Variants in RALGAPA1 observed in about 807,000 individuals in gnomAD.
The protein encoded by RALGAPA1 is Ral GTPase activating protein catalytic subunit alpha 1.
RALGAPA1 carries 52 observed loss-of-function variants against 269.6 expected under a neutral mutation model. The observed-to-expected ratio is 0.19, with a 90% CI of 0.15 to 0.24. RALGAPA1 has a LOEUF of 0.24. RALGAPA1 is among the 10% of genes least tolerant of loss of function. RALGAPA1 has a pLI of 1.00. For synonymous variants in RALGAPA1, 817 were observed against 1,008.3 expected (o/e 0.81, Z 3.60); for missense variants, 1,917 against 3,013.9 (o/e 0.64, Z 8.52).
rs757188983 is a variant in RALGAPA1, at chr14:35,738,626, G to C, written c.1474C>G (p.His492Asp). ...TTTGCCCAACTGGAATTTCGAACAT[G>C]ATCAGCAGTATTGGTCCCATTTTCC... ...EEENGTNTAD[H>D]VRNSSWAKNG... The change falls in exon 12 of 42, where the codon CAT becomes GAT. Residue 492 changes from histidine to aspartate, a missense_variant. Physicochemically the swap from His to Asp is moderately conservative, Grantham distance 81. Around this residue, in one of 11 missense-constraint regions of RALGAPA1, gnomAD observed 462 missense variants for 725.6 expected, o/e 0.64. Coordinates refer to ENST00000680220, the MANE Select transcript of RALGAPA1 (RefSeq NM_001346249.2). 1.2e-6 allele frequency: 2 copies of C among 1,612,468 alleles called. No individual in the cohort carries two copies. Among genetic ancestry groups the C allele is most frequent in the African/African-American group, 1.3e-5 (1 of 74,842 alleles).
At chr14:35,745,034 T>C (rs747559133) in intron 10 of RALGAPA1, among the ~76,000 whole-genome samples, 28 of 152,354 alleles carry the variant, frequency 1.8e-4, no homozygotes, top group African/African-American at 6.0e-4. Flanking sequence ...GAATTTACTA[T>C]AGACCAGAGA....
chr14:35,545,122 C>T (rs888114745), intron 41 of RALGAPA1, among the ~76,000 whole-genome samples: 5 of 152,102 alleles, frequency 3.3e-5, no homozygotes, highest in African/African-American at 1.2e-4. Flanking sequence ...TTGGCACTTA[C>T]TAATATTTAA....
rs550582685 is a variant in RALGAPA1, at chr14:35,631,944, C to T, written c.5995+2630G>A. Among the ~76,000 whole-genome samples the T allele has an allele frequency of 2.1e-4, 32 of 152,132 alleles. 1 individual carries two copies. Among genetic ancestry groups the T allele is most frequent in the African/African-American group, 7.5e-4 (31 of 41,514 alleles). ...CTCGAAGCTCAGGTACCAGAGTATCCCATATGTCTTCTTCCCAAAGGTAGA... is the reference window on the plus strand; with the variant it reads ...CTCGAAGCTCAGGTACCAGAGTATCTCATATGTCTTCTTCCCAAAGGTAGA... On this transcript the variant is annotated intron_variant, in intron 33 of 41. Transcript: ENST00000680220.
At chr14:35,779,877 A>C (rs2075314481) in intron 1 of RALGAPA1, among the ~76,000 whole-genome samples, 1 of 152,184 alleles carries the variant, frequency 6.6e-6, no homozygotes, top group Non-Finnish European at 1.5e-5. Flanking sequence ...TAATCCCAGC[A>C]CTTTGGGAGG....
chr14:35,773,634 G>A (rs1253529272), intron 3 of RALGAPA1, among the ~76,000 whole-genome samples: 2 of 152,010 alleles, frequency 1.3e-5, no homozygotes, highest in Non-Finnish European at 2.9e-5. Context: ...TGCTTTCTCT[G>A]TGGATATTTT....
chr14:35,713,508 A>G (rs2068541116), intron 16 of RALGAPA1, among the ~76,000 whole-genome samples: 1 of 152,160 alleles, frequency 6.6e-6, no homozygotes. Flanking sequence ...AATTCTAAAA[A>G]CAGTTTTATT....
chr14:35,560,867 T>C (rs1246670648), intron 39 of RALGAPA1, among the ~76,000 whole-genome samples: 1 of 152,240 alleles, frequency 6.6e-6, no homozygotes, highest in African/African-American at 2.4e-5. Flanking sequence ...TCACATTTAT[T>C]GCTTTTTGAA....
At chr14:35,719,691 T>A (rs552671840) in intron 16 of RALGAPA1, among the ~76,000 whole-genome samples, 1 of 152,106 alleles carries the variant, frequency 6.6e-6, no homozygotes, top group African/African-American at 2.4e-5. Flanking sequence ...AATGTACTTT[T>A]AAAAAAAGAT....
At chr14:35,664,788 A>G in intron 26 of RALGAPA1, 21 bp from the exon 27 acceptor site, 1 of 1,602,950 alleles carries the variant, frequency 6.2e-7, no homozygotes, top group Non-Finnish European at 8.5e-7. Context: ...CATTTTTAAA[A>G]AGTTTAAAAA....
intron 37 of RALGAPA1, among the ~76,000 whole-genome samples, chr14:35,577,279 C>T (rs977351697): frequency 6.6e-6 from 1 of 151,998 alleles, no homozygotes; most frequent in African/African-American, 2.4e-5. Context: ...CATCCACCCC[C>T]CAAATTCATA....
chr14:35,680,132 T>C (rs2065292599), intron 21 of RALGAPA1, among the ~76,000 whole-genome samples: 1 of 152,198 alleles, frequency 6.6e-6, no homozygotes. Context: ...TGCTTTGAAA[T>C]ATAAACCTTT....
intron 17 of RALGAPA1, among the ~76,000 whole-genome samples, chr14:35,696,051 A>G (rs1284644363): frequency 2.6e-5 from 4 of 152,210 alleles, no homozygotes; most frequent in Non-Finnish European, 5.9e-5. Context: ...GAAACAGTGC[A>G]TTGACATAGT....
At chr14:35,619,286 G>A (rs1332904864) in intron 35 of RALGAPA1, among the ~76,000 whole-genome samples, 1 of 152,068 alleles carries the variant, frequency 6.6e-6, no homozygotes, top group Non-Finnish European at 1.5e-5. Flanking sequence ...CATTTTCCAT[G>A]ATGTGATTTA....
At position 35,674,641 on chromosome 14, in the gene RALGAPA1, C is replaced by T. The variant is rs2064786868; in HGVS notation, c.4693G>A (p.Asp1565Asn). 1 of 1,561,902 alleles carries T rather than the reference C, an allele frequency of 6.4e-7. No homozygotes were observed. The highest frequency in any genetic ancestry group is 1.4e-5 in the African/African-American group (1 of 73,954). ...CTTCGCCACATTACAGTAGCAACATCAGCATGCCATCCAGTCAGAGTACCT... is the reference window on the plus strand; with the variant it reads ...CTTCGCCACATTACAGTAGCAACATTAGCATGCCATCCAGTCAGAGTACCT... Reference protein sequence around the residue: ...AGGTLTGWHADVATVMWRRML... With the variant: ...AGGTLTGWHANVATVMWRRML... The change falls in exon 23 of 42, where the codon GAT becomes AAT. Residue 1565 changes from aspartate (D) to asparagine (N), a missense_variant. By Grantham distance (23) the Asp-to-Asn change is conservative (BLOSUM62 1). Around this residue, in one of 11 missense-constraint regions of RALGAPA1, gnomAD observed 73 missense variants for 190.6 expected, o/e 0.38. Transcript: ENST00000680220.
chr14:35,775,263 T>C (rs1372318583), intron 2 of RALGAPA1, among the ~76,000 whole-genome samples: 1 of 152,174 alleles, frequency 6.6e-6, no homozygotes, highest in Non-Finnish European at 1.5e-5. Context: ...CACATATTTA[T>C]GTCTAGAAAC....
intron 9 of RALGAPA1, 104 bp downstream of exon 9, chr14:35,750,378 C>A: frequency 1.7e-6 from 1 of 597,926 alleles, no homozygotes; most frequent in Admixed American, 3.5e-5. Flanking sequence ...AATAAAATAG[C>A]ACTATTATTT....
chr14:35,744,393 A>G (rs2071854918), intron 10 of RALGAPA1, among the ~76,000 whole-genome samples: 1 of 151,874 alleles, frequency 6.6e-6, no homozygotes, highest in Non-Finnish European at 1.5e-5. Flanking sequence ...AAAGAATTAA[A>G]TTGCTTTTAC....
chr14:35,751,675 G>C (rs1465943382), intron 8 of RALGAPA1, among the ~76,000 whole-genome samples: 1 of 151,728 alleles, frequency 6.6e-6, no homozygotes, highest in East Asian at 1.9e-4. Flanking sequence ...TAGCTACTGG[G>C]GAGGCTGAGA....
In RALGAPA1 at chr14:35,588,922, C is replaced by T. The variant is rs188650720; in HGVS notation, c.7209+6712G>A. Among the ~76,000 whole-genome samples, 19 of 152,230 alleles carry T rather than the reference C, an allele frequency of 1.2e-4. No individual in the cohort carries two copies. In the East Asian group the frequency reaches 3.1e-3, roughly 25 times the overall value. ...ATATATAAAATGGAACACTATTCAA[C>T]CTTACAAATGAAGGAAATCCTGTCA... On this transcript the variant is annotated intron_variant, in intron 37 of 41. Transcript: ENST00000680220.
Sources: allele counts gnomAD v4.1 joint callset (sites outside exome capture counted in the v4.1 genomes callset), GRCh38; gene constraint gnomAD v4.1.1; regional missense constraint gnomAD v4.1.1; transcripts MANE v1.5; gene names NCBI Gene and HGNC (gene_info 2026-07-23, HGNC 2026-07-21).